MAP3K14: variants seen among roughly 807,000 people sequenced by gnomAD.
The protein encoded by MAP3K14 is mitogen-activated protein kinase kinase kinase 14.
In MAP3K14, 16 loss-of-function variants were observed where a neutral mutation model predicts 99.2. That is an observed-to-expected ratio of 0.16 (90% CI 0.11 to 0.24). The LOEUF (loss-of-function observed/expected upper bound fraction) is 0.24, where lower values mean the gene tolerates loss of function less well. Ranked by LOEUF, MAP3K14 falls within the 10% of genes least tolerant of loss-of-function variation. MAP3K14 has a pLI of 1.00. For synonymous variants in MAP3K14, 462 were observed against 492.4 expected (o/e 0.94, Z 0.82); for missense variants, 784 against 1,208.7 (o/e 0.65, Z 5.21).
At chr17:45,289,981 G>A (rs936335815) in intron 2 of MAP3K14, among the ~76,000 whole-genome samples, 2 of 152,214 alleles carry the variant, frequency 1.3e-5, no homozygotes, top group African/African-American at 4.8e-5. Context: ...ATCATGAGTA[G>A]AAGAAGAAAG....
intron 1 of MAP3K14, among the ~76,000 whole-genome samples, chr17:45,311,012 A>T (rs2044473262): frequency 6.7e-6 from 1 of 148,822 alleles, no homozygotes; most frequent in African/African-American, 2.5e-5. Context: ...AAGCTAGTTT[A>T]AAAAAAAAAA....
rs1192969960 is a variant in MAP3K14 at position 45,269,988 on chromosome 17, G to A, written c.1972+425C>T. Among the ~76,000 whole-genome samples, 6 of 152,066 alleles carry A rather than the reference G, an allele frequency of 3.9e-5. No homozygotes were observed. In the East Asian group the frequency reaches 9.6e-4, roughly 24 times the overall value. ...GCATGGCTAGGGGGTGCAGTCTTGG[G>A]GATCGAGCCCTCCTGCTGTGGGATC... is the stretch of plus-strand genomic sequence containing the variant. On this transcript the variant is annotated intron_variant, in intron 11 of 15. Coordinates refer to ENST00000344686, the MANE Select transcript of MAP3K14 (RefSeq NM_003954.5).
intron 11 of MAP3K14, among the ~76,000 whole-genome samples, chr17:45,269,883 A>G (rs1250532723): frequency 6.6e-6 from 1 of 152,162 alleles, no homozygotes; most frequent in Non-Finnish European, 1.5e-5. Context: ...AAATTAATCA[A>G]TCCCAAGGAG....
At chr17:45,311,279 G>T (rs1052609109) in intron 1 of MAP3K14, among the ~76,000 whole-genome samples, 2 of 152,198 alleles carry the variant, frequency 1.3e-5, no homozygotes, top group African/African-American at 4.8e-5. Context: ...GGTGACTACT[G>T]GTTGGTCCAG....
chr17:45,311,891 A>C (rs1360944907), intron 1 of MAP3K14, among the ~76,000 whole-genome samples: 3 of 151,982 alleles, frequency 2.0e-5, no homozygotes, highest in East Asian at 3.9e-4. Context: ...GAAGCAGGCC[A>C]TTTTCCACCC....
At position 45,289,320 on chromosome 17, in the gene MAP3K14, G is replaced by A; in HGVS notation, c.257-15C>T. 1 of 1,610,830 alleles carries A rather than the reference G, an allele frequency of 6.2e-7. No homozygotes were observed. ...GCTATTCTCACCTAAAGCAAAAGGA[G>A]TTGGATTAGCAGAGAGGAGAAAAAA... On this transcript the variant is annotated splice_polypyrimidine_tract_variant and intron_variant, in intron 2 of 15. Transcript: ENST00000344686.
At chr17:45,294,190 A>G (rs1394153831) in intron 1 of MAP3K14, among the ~76,000 whole-genome samples, 1 of 152,252 alleles carries the variant, frequency 6.6e-6, no homozygotes, top group African/African-American at 2.4e-5. Context: ...AGTTGAGGAC[A>G]CGAGCAGTGG....
At chr17:45,303,119 G>A (rs1335988116) in intron 1 of MAP3K14, among the ~76,000 whole-genome samples, 1 of 152,238 alleles carries the variant, frequency 6.6e-6, no homozygotes, top group Non-Finnish European at 1.5e-5. Flanking sequence ...AAGTGGACCA[G>A]GGAGAAAAAA....
chr17:45,289,568 G>A (rs911011140), intron 2 of MAP3K14, among the ~76,000 whole-genome samples: 13 of 152,172 alleles, frequency 8.5e-5, no homozygotes, highest in South Asian at 2.1e-4. Context: ...ATCACAGGGC[G>A]CCCGCCTCAC....
intron 9 of MAP3K14, among the ~76,000 whole-genome samples, chr17:45,271,428 C>T (rs1007341923): frequency 9.9e-5 from 15 of 152,212 alleles, no homozygotes; most frequent in Admixed American, 9.8e-4. Flanking sequence ...TCACTGCAAC[C>T]TCCACCTCCC....
intron 6 of MAP3K14, among the ~76,000 whole-genome samples, chr17:45,279,425 C>G (rs561916798): frequency 1.0e-4 from 15 of 147,206 alleles, no homozygotes; most frequent in East Asian, 6.2e-4. Flanking sequence ...CCACACCCAG[C>G]CTTCTTTGGT....
At chr17:45,301,707 A>G (rs1442577499) in intron 1 of MAP3K14, among the ~76,000 whole-genome samples, 1 of 152,208 alleles carries the variant, frequency 6.6e-6, no homozygotes, top group Non-Finnish European at 1.5e-5. Context: ...ATAAAAATGC[A>G]GATACCTAGG....
chr17:45,298,903 G>C (rs541139406), intron 1 of MAP3K14, among the ~76,000 whole-genome samples: 2 of 152,208 alleles, frequency 1.3e-5, no homozygotes, highest in African/African-American at 2.4e-5. Context: ...AACACAGAGC[G>C]ACACCTAGTC....
chr17:45,284,795 C>T lies in MAP3K14; in HGVS notation c.1290+17G>A. 6.3e-7 allele frequency: 1 copy of T among 1,584,356 alleles called. No homozygotes were observed. On this transcript the variant is annotated intron_variant, in intron 6 of 15. Coordinates refer to ENST00000344686, the MANE Select transcript of MAP3K14 (RefSeq NM_003954.5). Reference sequence around the variant, plus strand: ...TCCTGGCTTCCCTCTTCACTCAGCCCCTGAGCCCTGGCGTACCTTTTTGAC... The same window carrying T: ...TCCTGGCTTCCCTCTTCACTCAGCCTCTGAGCCCTGGCGTACCTTTTTGAC...
intron 1 of MAP3K14, among the ~76,000 whole-genome samples, chr17:45,296,159 C>G (rs898117525): frequency 6.6e-6 from 1 of 152,092 alleles, no homozygotes; most frequent in Non-Finnish European, 1.5e-5. Flanking sequence ...CCAATCTTCT[C>G]CCAACTTCCT....
chr17:45,286,815 G>A lies in MAP3K14; in HGVS notation c.768C>T (p.His256=), dbSNP rs773422088. ...QDGGPLPLPT[H]PFPYSRLPHP... Reference sequence around the variant, plus strand: ...GAGGCAGTCTGCTATAGGGGAAGGGGTGCGTGGGCAGGGGCAGGGGGCCTC... The same window carrying A: ...GAGGCAGTCTGCTATAGGGGAAGGGATGCGTGGGCAGGGGCAGGGGGCCTC... Residue 256 remains histidine, a synonymous_variant, in exon 5 of 16, where the codon CAC becomes CAT. Coordinates refer to ENST00000344686, the MANE Select transcript of MAP3K14 (RefSeq NM_003954.5). The surrounding 1 kb of genome is among the most constrained non-coding windows in gnomAD (Gnocchi z 4.1). 5 of 1,613,446 alleles carry A rather than the reference G, an allele frequency of 3.1e-6. No individual in the cohort carries two copies. The highest frequency in any genetic ancestry group is 4.2e-6 in the Non-Finnish European group (5 of 1,179,658).
rs764599886 is a variant in MAP3K14 at position 45,267,074 on chromosome 17, G to A, written c.2433+18C>T. 1 of 1,552,828 alleles carries A rather than the reference G, an allele frequency of 6.4e-7. No individual in the cohort carries two copies. The highest frequency in any genetic ancestry group is 1.9e-5 in the Admixed American group (1 of 52,264). On this transcript the variant is annotated intron_variant, in intron 13 of 15. Coordinates refer to ENST00000344686, the MANE Select transcript of MAP3K14 (RefSeq NM_003954.5). This position sits in a 1 kb window ranked among gnomAD's most constrained non-coding sequence, Gnocchi z 5.1. ...CCACACCCCTGGAGCCATGGCTCCGGGGCCACAACCGACTCACCTTCTCAC... is the reference window on the plus strand; with the variant it reads ...CCACACCCCTGGAGCCATGGCTCCGAGGCCACAACCGACTCACCTTCTCAC...
chr17:45,294,686 C>T (rs1415563522), intron 1 of MAP3K14, among the ~76,000 whole-genome samples: 1 of 152,230 alleles, frequency 6.6e-6, no homozygotes, highest in Non-Finnish European at 1.5e-5. Context: ...TCCTCCTAGG[C>T]CTGCTGAACC....
intron 1 of MAP3K14, among the ~76,000 whole-genome samples, chr17:45,296,473 C>T (rs189943037): frequency 2.6e-4 from 40 of 151,956 alleles, no homozygotes; most frequent in Admixed American, 8.5e-4. Flanking sequence ...ACTGCACCAC[C>T]GCACTCCAGT....
Sources: allele counts gnomAD v4.1 joint callset (sites outside exome capture counted in the v4.1 genomes callset), GRCh38; gene constraint gnomAD v4.1.1; non-coding constraint Gnocchi (gnomAD v3.1); transcripts MANE v1.5; gene names NCBI Gene and HGNC (gene_info 2026-07-23, HGNC 2026-07-21).